The following ZNF28 variants were observed in gnomAD, a reference collection of about 807,000 sequenced individuals.
ZNF28 encodes zinc finger protein 28.
A neutral mutation model predicts 7.2 loss-of-function variants in ZNF28; 5 were observed. That is an observed-to-expected ratio of 0.70 (90% confidence interval 0.36 to 1.46). The LOEUF (loss-of-function observed/expected upper bound fraction) is 1.46. Among genes scored for constraint, ZNF28 ranks in the 40% most tolerant of loss-of-function variants. The probability of loss-of-function intolerance (pLI) is 0.03; values close to 1 mark genes in which losing one functional copy is unlikely to be tolerated. For missense variants in ZNF28, 879 were observed against 866.6 expected (o/e 1.01, Z -0.18); for synonymous variants, 288 against 292.4 (o/e 0.99, Z 0.15).
Position 52,809,940 on chromosome 19 carries a change from G to GC in ZNF28, c.16-1808dup, listed in dbSNP as rs993238936. Reference sequence around the variant, plus strand: ...GGCCGGTGGGGAGGCCGGGGAGGTTGCCCCGGGGGGCGCAGGGGACGATGG... The same window carrying GC: ...GGCCGGTGGGGAGGCCGGGGAGGTTGCCCCCGGGGGGCGCAGGGGACGATGG... On this transcript the variant is annotated intron_variant, in intron 2 of 3. Coordinates refer to ENST00000457749, the MANE Select transcript of ZNF28 (RefSeq NM_006969.5). 12 of 853,140 alleles carry GC rather than the reference G, an allele frequency of 1.4e-5. No homozygotes were observed. In the African/African-American group the frequency reaches 1.5e-4, roughly 11 times the overall value. The allele number at this position is 853,140 out of a possible 1,614,324, so 52.8% of individuals were successfully genotyped here.
At chr19:52,813,666 C>G (rs2063085348) in intron 2 of ZNF28, among the ~76,000 whole-genome samples, 1 of 136,868 alleles carries the variant, frequency 7.3e-6, no homozygotes, top group South Asian at 2.8e-4. Flanking sequence ...GCCTGGTGAT[C>G]TATTTTGTTT....
chr19:52,810,131 C>A (rs999299717), intron 2 of ZNF28: 5 of 863,870 alleles, frequency 5.8e-6, no homozygotes, highest in Non-Finnish European at 9.9e-6. Flanking sequence ...CGGGACTGGT[C>A]GAGGGTGACC....
intron 2 of ZNF28, chr19:52,810,054 T>C (rs1223069069): frequency 4.1e-6 from 3 of 740,718 alleles, no homozygotes; most frequent in East Asian, 5.4e-5. Context: ...CCGCGCCCCA[T>C]GCCTGGGAGC....
At chr19:52,815,077 GTGTA>G (rs1204939203) in intron 2 of ZNF28, among the ~76,000 whole-genome samples, 1 of 109,098 alleles carries the variant, frequency 9.2e-6, no homozygotes, top group Non-Finnish European at 2.0e-5. Flanking sequence ...ATAGATATGT[GTGTA>G]TGTGTGTGTA....
rs1039270467 is a variant in ZNF28 at position 52,806,774 on chromosome 19, C to T, written c.142+1233G>A. On this transcript the variant is annotated intron_variant, in intron 3 of 3. Coordinates refer to ENST00000457749, the MANE Select transcript of ZNF28 (RefSeq NM_006969.5). ...AAAATTAGCTGGGCATGGTGGTGAGCGCCTGCAGTTCCAGCTACTCAGGAA... is the reference window on the plus strand; with the variant it reads ...AAAATTAGCTGGGCATGGTGGTGAGTGCCTGCAGTTCCAGCTACTCAGGAA... Among the ~76,000 whole-genome samples the T allele has an allele frequency of 1.1e-3, 170 of 151,970 alleles. 1 individual carries two copies. Among genetic ancestry groups the T allele is most frequent in the African/African-American group, 4.0e-3 (165 of 41,402 alleles).
In ZNF28 at chr19:52,801,623, C is replaced by T; in HGVS notation, c.222G>A (p.Leu74=). Residue 74 remains leucine (L), a synonymous_variant, in exon 4 of 4, where the codon TTG becomes TTA. Coordinates refer to ENST00000457749, the MANE Select transcript of ZNF28 (RefSeq NM_006969.5). ...GNTEAFHTGT[L]QRQASHHIGD... ...CAATGTGATGACTTGCTTGTCTTTG[C>T]AATGTCCCTGTGTGGAACGCTTCTG... The T allele has an allele frequency of 6.2e-7, 1 of 1,614,026 alleles. No homozygotes were observed. Among genetic ancestry groups the T allele is most frequent in the Non-Finnish European group, 8.5e-7 (1 of 1,179,968 alleles).
At chr19:52,818,749 G>T (rs2063158469) in intron 1 of ZNF28, among the ~76,000 whole-genome samples, 2 of 151,016 alleles carry the variant, frequency 1.3e-5, no homozygotes, top group Admixed American at 1.3e-4. Context: ...AGGGTGTGGT[G>T]GCACACACCT....
chr19:52,816,155 G>T (rs1235027796), intron 2 of ZNF28, among the ~76,000 whole-genome samples: 5 of 147,056 alleles, frequency 3.4e-5, no homozygotes, highest in Non-Finnish European at 7.4e-5. Flanking sequence ...CTAAGCTGCA[G>T]CTTTGCTTGG....
At chr19:52,811,127 C>T (rs964891042) in intron 2 of ZNF28, among the ~76,000 whole-genome samples, 35 of 150,638 alleles carry the variant, frequency 2.3e-4, no homozygotes, top group Non-Finnish European at 3.4e-4. Context: ...CTCCTAACCA[C>T]GAGTGATCCG....
Position 52,800,099 on chromosome 19 carries a change from C to T in ZNF28, c.1746G>A (p.Lys582=). The T allele has an allele frequency of 6.2e-7, 1 of 1,613,910 alleles. No homozygotes were observed. Among genetic ancestry groups the T allele is most frequent in the South Asian group, 1.1e-5 (1 of 91,068 alleles). The change falls in exon 4 of 4, where the codon AAG becomes AAA. Residue 582 remains lysine, a synonymous_variant. Coordinates refer to ENST00000457749, the MANE Select transcript of ZNF28 (RefSeq NM_006969.5). ...IHTGEKPYKC[K]VCDKAFRRDS... ...CCCTCCGGAAAGCCTTGTCACAAAC[C>T]TTACATTTGTACGGTTTCTCTCCAG...
At chr19:52,801,724 A>G (rs1335678172) in intron 3 of ZNF28, 22 bp from the exon 4 acceptor site, 1 of 1,598,136 alleles carries the variant, frequency 6.3e-7, no homozygotes, top group East Asian at 2.2e-5. Context: ...AAACACCAAT[A>G]GGTTTCCAAT....
chr19:52,812,874 T>TA (rs2063072813), intron 2 of ZNF28, among the ~76,000 whole-genome samples: 1 of 150,290 alleles, frequency 6.7e-6, no homozygotes. Flanking sequence ...CTGATTACTA[T>TA]AGTTTTAAGG....
At chr19:52,810,725 G>C (rs2063010185) in intron 2 of ZNF28, 1 of 715,264 alleles carries the variant, frequency 1.4e-6, no homozygotes, top group Non-Finnish European at 2.5e-6. Flanking sequence ...TGTGTATTAG[G>C]AGAGAGAGGA....
intron 3 of ZNF28, among the ~76,000 whole-genome samples, chr19:52,804,177 G>T (rs6509687): frequency 1.2e-4 from 18 of 151,922 alleles, no homozygotes; most frequent in African/African-American, 4.3e-4. Context: ...CTGGTCTAAA[G>T]CATGAAGAAG....
chr19:52,799,187 G>T lies in ZNF28; in HGVS notation c.*501C>A. 5.1e-6 allele frequency: 2 copies of T among 391,386 alleles called. No individual in the cohort carries two copies. Among genetic ancestry groups the T allele is most frequent in the Non-Finnish European group, 5.0e-6 (1 of 200,968 alleles). The allele number at this position is 391,386 out of a possible 1,614,324, so 24.2% of individuals were successfully genotyped here. A position where few individuals can be genotyped will look rare whatever the true frequency, so the allele number is the denominator to read the frequency against. ...CTATGCCACATTCATTACACTTGTAGGGTTTCTCTCCAATACGAATTGCCT... is the reference window on the plus strand; with the variant it reads ...CTATGCCACATTCATTACACTTGTATGGTTTCTCTCCAATACGAATTGCCT... On this transcript the variant is annotated 3_prime_UTR_variant, in exon 4 of 4. Transcript: ENST00000457749.
chr19:52,818,139 A>G (rs2063150426), intron 1 of ZNF28, 108 bp from the exon 2 acceptor site: 8 of 1,187,530 alleles, frequency 6.7e-6, no homozygotes, highest in Middle Eastern at 2.1e-4. Context: ...ATGGTCCCCT[A>G]TGCTGCCTAC....
At chr19:52,821,069 G>A (rs1016950645) in intron 1 of ZNF28, among the ~76,000 whole-genome samples, 2 of 152,260 alleles carry the variant, frequency 1.3e-5, no homozygotes, top group Middle Eastern at 3.4e-3. Context: ...CGGGCTCAGG[G>A]GAAGCGGTGA....
Position 52,813,707 on chromosome 19 carries a change from T to C in ZNF28, c.15+4237A>G, listed in dbSNP as rs1475426589. On this transcript the variant is annotated intron_variant, in intron 2 of 3. Transcript: ENST00000457749. Reference sequence around the variant, plus strand: ...TGTGTTTCTTTTTCTGTGTTGAGTGTCTTTGTTTACAGGTTTCTGCAGCCA... The same window carrying C: ...TGTGTTTCTTTTTCTGTGTTGAGTGCCTTTGTTTACAGGTTTCTGCAGCCA... Among the ~76,000 whole-genome samples, 14 of 144,912 alleles carry C rather than the reference T, an allele frequency of 9.7e-5. 3 individuals carry two copies. The highest frequency in any genetic ancestry group is 3.5e-4 in the African/African-American group (13 of 36,868).
At chr19:52,811,504 C>T (rs1206168847) in intron 2 of ZNF28, among the ~76,000 whole-genome samples, 65 of 148,646 alleles carry the variant, frequency 4.4e-4, no homozygotes, top group South Asian at 2.1e-4. Context: ...TCTGCCCGGC[C>T]GCCCATCGTC....
Sources: allele counts gnomAD v4.1 joint callset (sites outside exome capture counted in the v4.1 genomes callset), GRCh38; gene constraint gnomAD v4.1.1; transcripts MANE v1.5; gene names NCBI Gene and HGNC (gene_info 2026-07-23, HGNC 2026-07-21).